TDP2: variants seen among roughly 807,000 people sequenced by gnomAD.
The protein encoded by TDP2 is tyrosyl-DNA phosphodiesterase 2, also known as 5'-Tyr-DNA phosphodiesterase.
Under a neutral mutation model 42.8 loss-of-function variants are expected in TDP2, and 38 were observed. The ratio of observed to expected loss-of-function variants is 0.89; its 90% confidence interval spans 0.68 to 1.16. TDP2 has a LOEUF of 1.16. Among genes scored for constraint, TDP2 ranks in the 50% most tolerant of loss-of-function variants. The pLI is 0.00. For synonymous variants in TDP2, 173 were observed against 150.6 expected (o/e 1.15, Z -1.09); for missense variants, 439 against 439.3 (o/e 1.00, Z 0.01).
intron 2 of TDP2, 173 bp downstream of exon 2, chr6:24,666,353 G>A (rs982349889): frequency 6.9e-7 from 1 of 1,457,818 alleles, no homozygotes; most frequent in East Asian, 2.3e-5. Context: ...TCCGCTGCTG[G>A]GGCGCAACTC....
intron 2 of TDP2, among the ~76,000 whole-genome samples, chr6:24,664,907 A>G (rs1256237958): frequency 6.6e-6 from 1 of 152,192 alleles, no homozygotes; most frequent in Non-Finnish European, 1.5e-5. Context: ...CCTAATAGCC[A>G]TGACACCATT....
At position 24,650,402 on chromosome 6, in the gene TDP2, G is replaced by A. The variant is rs1438621027; in HGVS notation, c.*386C>T. On this transcript the variant is annotated 3_prime_UTR_variant, in exon 7 of 7. Coordinates refer to ENST00000378198, the MANE Select transcript of TDP2 (RefSeq NM_016614.3). ...TATGAAATAAAGGATCCAGTCCCAA[G>A]AACTCAATAATCTCTTATGTTTTCT... 1 of 177,214 alleles carries A rather than the reference G, an allele frequency of 5.6e-6. No homozygotes were observed. The highest frequency in any genetic ancestry group is 1.2e-5 in the Non-Finnish European group (1 of 84,316). The allele number at this position is 177,214 out of a possible 1,614,324, so 11.0% of individuals were successfully genotyped here.
chr6:24,664,330 T>TAA (rs1554188691), intron 2 of TDP2, among the ~76,000 whole-genome samples: 1,516 of 78,862 alleles, frequency 0.019, 18 homozygotes, highest in African/African-American at 0.05. Flanking sequence ...GCACAGCTAA[T>TAA]AAAAAAAAAA....
intron 2 of TDP2, 81 bp from the exon 3 acceptor site, chr6:24,658,815 T>C (rs1455175488): frequency 7.0e-7 from 1 of 1,428,882 alleles, no homozygotes; most frequent in East Asian, 2.4e-5. Context: ...TAGCCCTCAT[T>C]TTACAGACAA....
At chr6:24,657,041 T>C (rs953101839) in intron 4 of TDP2, among the ~76,000 whole-genome samples, 1 of 152,208 alleles carries the variant, frequency 6.6e-6, no homozygotes, top group Admixed American at 6.5e-5. Context: ...TCACATACTA[T>C]ATAAAAATGA....
chr6:24,659,589 T>C (rs989857100), intron 2 of TDP2, among the ~76,000 whole-genome samples: 6 of 152,248 alleles, frequency 3.9e-5, no homozygotes, highest in Non-Finnish European at 8.8e-5. Context: ...ACTAGAATAA[T>C]TGTATAAACT....
chr6:24,654,145 G>A (rs17243569), intron 5 of TDP2, among the ~76,000 whole-genome samples: 287 of 152,268 alleles, frequency 1.9e-3, no homozygotes, highest in African/African-American at 6.4e-3. Flanking sequence ...CATGTATAGA[G>A]TAGAAAGTAA....
In TDP2 at chr6:24,666,883, G is replaced by A; in HGVS notation, c.-21C>T. On this transcript the variant is annotated 5_prime_UTR_variant, in exon 1 of 7. Coordinates refer to ENST00000378198, the MANE Select transcript of TDP2 (RefSeq NM_016614.3). ...TCCATCTTCCTGCCGCCTCTGCACC[G>A]CCCCTTTAAGCGGAACAGGAGGCCA... 6.2e-7 allele frequency: 1 copy of A among 1,611,910 alleles called. No individual in the cohort carries two copies.
At chr6:24,652,337 C>A (rs1562146432) in intron 6 of TDP2, among the ~76,000 whole-genome samples, 1 of 152,152 alleles carries the variant, frequency 6.6e-6, no homozygotes, top group Non-Finnish European at 1.5e-5. Flanking sequence ...CATGGGTAGA[C>A]AAAATACATT....
chr6:24,651,068 AC>A lies in TDP2; in HGVS notation c.808del (p.Val270LeufsTer32). The A allele has an allele frequency of 6.2e-7, 1 of 1,610,310 alleles. No individual in the cohort carries two copies. Among genetic ancestry groups the A allele is most frequent in the Non-Finnish European group, 8.5e-7 (1 of 1,177,582 alleles). On this transcript the variant is annotated frameshift_variant and splice_region_variant, in exon 7 of 7. Transcript: ENST00000378198. LOFTEE classifies it high-confidence loss of function. ...GTTGGGTAAACCACCACATCTGGTAACCTGAAAAGAAGAAGAATACTCTCTA... is the reference window on the plus strand; with the variant it reads ...GTTGGGTAAACCACCACATCTGGTAACTGAAAAGAAGAAGAATACTCTCTA... ...AGDTNLRDRE[V>X]TRCGGLPNNI...
At chr6:24,661,960 C>T (rs1337962139) in intron 2 of TDP2, among the ~76,000 whole-genome samples, 1 of 152,140 alleles carries the variant, frequency 6.6e-6, no homozygotes, top group Admixed American at 6.5e-5. Flanking sequence ...ACCCTGTGCT[C>T]GCAGAAACAT....
At chr6:24,652,060 T>C (rs1397656781) in intron 6 of TDP2, among the ~76,000 whole-genome samples, 1 of 152,222 alleles carries the variant, frequency 6.6e-6, no homozygotes, top group African/African-American at 2.4e-5. Flanking sequence ...CAAACACCAT[T>C]CTACTTTCTG....
At chr6:24,660,466 T>C (rs1428376464) in intron 2 of TDP2, among the ~76,000 whole-genome samples, 3 of 152,182 alleles carry the variant, frequency 2.0e-5, no homozygotes, top group Non-Finnish European at 4.4e-5. Context: ...GGCACTTACT[T>C]GTGTTCTAAA....
chr6:24,666,366 C>T, intron 2 of TDP2, 160 bp downstream of exon 2: 1 of 1,436,628 alleles, frequency 7.0e-7, no homozygotes, highest in Non-Finnish European at 9.5e-7. Context: ...CGCAACTCCG[C>T]GCAGCAGCAG....
chr6:24,666,323 C>T (rs952785542), intron 2 of TDP2: 1 of 1,508,832 alleles, frequency 6.6e-7, no homozygotes, highest in Admixed American at 2.1e-5. Context: ...TTCGAAGCGA[C>T]AGTCTGGTGC....
At chr6:24,658,216 T>C (rs1778087097) in intron 3 of TDP2, among the ~76,000 whole-genome samples, 1 of 152,226 alleles carries the variant, frequency 6.6e-6, no homozygotes, top group Non-Finnish European at 1.5e-5. Context: ...AAGCAGTTAT[T>C]AACCACAATG....
intron 2 of TDP2, chr6:24,666,205 G>A (rs1778231674): frequency 6.5e-7 from 1 of 1,550,184 alleles, no homozygotes; most frequent in African/African-American, 1.4e-5. Flanking sequence ...TTTTTCGATA[G>A]AAGGTTTAGC....
chr6:24,652,103 T>G (rs951361436), intron 6 of TDP2, among the ~76,000 whole-genome samples: 1 of 152,242 alleles, frequency 6.6e-6, no homozygotes, highest in African/African-American at 2.4e-5. Context: ...AGGAAATTCA[T>G]AAGAGGAATC....
rs756704457 is a variant in TDP2, at chr6:24,653,163, GACAA to G, written c.637-14_637-11del. On this transcript the variant is annotated splice_polypyrimidine_tract_variant and intron_variant, in intron 5 of 6. Transcript: ENST00000378198. The stretch of plus-strand genomic sequence containing the variant: ...TTCCTGACACGTTCACCTGCAGCAG[GACAA>G]ACAGTCATTAAAACTGTCCACTGAC... 12 of 1,613,460 alleles carry G rather than the reference GACAA, an allele frequency of 7.4e-6. No individual in the cohort carries two copies. The Admixed American group carries it at 1.2e-4, about 16-fold the overall frequency.
Sources: gnomAD v4.1 joint callset for allele counts (sites outside exome capture counted in the v4.1 genomes callset) on GRCh38, gnomAD v4.1.1 for gene constraint, MANE v1.5 for transcripts, NCBI Gene and HGNC (gene_info 2026-07-23, HGNC 2026-07-21) for gene names.